AVEN: variants seen among roughly 807,000 people sequenced by gnomAD.
The protein encoded by AVEN is cell death regulator Aven.
In AVEN, 41 loss-of-function variants were observed where a neutral mutation model predicts 38.1. The ratio of observed to expected loss-of-function variants is 1.08; its 90% confidence interval spans 0.84 to 1.40. The LOEUF is 1.40. Among genes scored for constraint, AVEN ranks in the 40% most tolerant of loss-of-function variants. The pLI is 0.00. For synonymous variants in AVEN, 206 were observed against 171.8 expected (o/e 1.20, Z -1.56); for missense variants, 605 against 438.8 (o/e 1.38, Z -3.38).
rs1346050046 is a variant in AVEN at position 33,866,626 on chromosome 15, C to T, written c.1076G>A (p.Ser359Asn). The T allele has an allele frequency of 7.4e-6, 12 of 1,613,150 alleles. No individual in the cohort carries two copies. The highest frequency in any genetic ancestry group is 2.2e-5 in the East Asian group (1 of 44,874). ...TEEELEDWLDSMIS is the reference protein window; with the variant it reads ...TEEELEDWLDNMIS Reference sequence around the variant, plus strand: ...TTTTTCCCCTTTTTAGGAAATCATGCTGTCCAACCAGTCTTCCAGCTCTTC... The same window carrying T: ...TTTTTCCCCTTTTTAGGAAATCATGTTGTCCAACCAGTCTTCCAGCTCTTC... Residue 359 changes from serine (S) to asparagine (N), a missense_variant, in exon 6 of 6, where the codon AGC (serine) becomes AAC (asparagine). Transcript: ENST00000306730.
chr15:33,861,035 T>TATTATGCCA, intron 11 of AVEN: 2 of 1,395,114 alleles, frequency 1.4e-6, no homozygotes, highest in South Asian at 2.5e-5. Flanking sequence ...CTCCTGCCTA[T>TATTATGCCA]ATTATGCCAA....
intron 2 of AVEN, among the ~76,000 whole-genome samples, chr15:33,933,524 C>CAGAGAGAGAGAGAG (rs3086294): frequency 2.1e-5 from 1 of 46,584 alleles, no homozygotes; most frequent in African/African-American, 7.1e-5. Flanking sequence ...CACACACACA[C>CAGAGAGAGAGAGAG]AGAGAGAGAG....
rs374082671 is a variant in AVEN at position 33,873,595 on chromosome 15, G to A, written c.516+2330C>T. ...TATTACATATAATTATATATAATAC[G>A]TATTATATATTATATATATCCAGTT... is the stretch of plus-strand genomic sequence containing the variant. On this transcript the variant is annotated intron_variant, in intron 3 of 5. Coordinates refer to ENST00000306730, the MANE Select transcript of AVEN (RefSeq NM_020371.3). 3.5e-4 allele frequency among the ~76,000 whole-genome samples: 51 copies of A among 146,598 alleles called. No individual in the cohort carries two copies. In the East Asian group the frequency reaches 8.1e-3, roughly 23 times the overall value.
chr15:34,074,001 T>C (rs920221307), intron 1 of AVEN, among the ~76,000 whole-genome samples: 2 of 135,066 alleles, frequency 1.5e-5, no homozygotes, highest in African/African-American at 5.9e-5. Flanking sequence ...TTTTTTTTTT[T>C]TTTTTTTTTT....
At chr15:34,036,329 T>C (rs1899123712) in intron 1 of AVEN, among the ~76,000 whole-genome samples, 1 of 149,538 alleles carries the variant, frequency 6.7e-6, no homozygotes, top group Non-Finnish European at 1.5e-5. Flanking sequence ...TTGATTTTGT[T>C]TTCCATTTGT....
chr15:34,030,748 G>A (rs938960873), intron 1 of AVEN, among the ~76,000 whole-genome samples: 1 of 152,052 alleles, frequency 6.6e-6, no homozygotes, highest in African/African-American at 2.4e-5. Context: ...TCCTGAGTAG[G>A]TGGGAATACA....
intron 2 of AVEN, among the ~76,000 whole-genome samples, chr15:33,899,686 TCA>T (rs1183352608): frequency 6.6e-6 from 1 of 152,022 alleles, no homozygotes; most frequent in Non-Finnish European, 1.5e-5. Flanking sequence ...CAGGATGGTC[TCA>T]GTCTCTTGAC....
At chr15:34,030,406 C>T (rs971848399) in intron 1 of AVEN, among the ~76,000 whole-genome samples, 14 of 151,552 alleles carry the variant, frequency 9.2e-5, no homozygotes, top group Non-Finnish European at 1.5e-4. Context: ...AGTGCAGTGG[C>T]GCAATCTCGC....
chr15:33,947,981 A>C (rs972981609), intron 2 of AVEN, among the ~76,000 whole-genome samples: 1 of 152,240 alleles, frequency 6.6e-6, no homozygotes, highest in South Asian at 2.1e-4. Flanking sequence ...ATCTTTTCAA[A>C]CTGTAAGTGT....
chr15:33,862,056 C>A (rs939521658), downstream of AVEN, among the ~76,000 whole-genome samples: 1 of 152,108 alleles, frequency 6.6e-6, no homozygotes, highest in Admixed American at 6.6e-5. Flanking sequence ...TAGGGACTTC[C>A]TATAAAACTT....
chr15:33,949,601 G>C (rs1428079727), intron 2 of AVEN, among the ~76,000 whole-genome samples: 2 of 152,056 alleles, frequency 1.3e-5, no homozygotes, highest in African/African-American at 2.4e-5. Context: ...GACTGCAAAT[G>C]GACACGAGGT....
At chr15:33,996,690 C>T (rs904340144) in intron 2 of AVEN, among the ~76,000 whole-genome samples, 14 of 152,154 alleles carry the variant, frequency 9.2e-5, no homozygotes, top group Admixed American at 2.6e-4. Flanking sequence ...ACACCAAAAC[C>T]CCATCTGTAG....
At chr15:33,861,846 A>T (rs1052150786), downstream of AVEN, among the ~76,000 whole-genome samples, 1 of 151,896 alleles carries the variant, frequency 6.6e-6, no homozygotes, top group Non-Finnish European at 1.5e-5. Context: ...GCTGGTCTTG[A>T]ACTCCTGACC....
At chr15:33,939,116 C>T (rs1037857184) in intron 2 of AVEN, among the ~76,000 whole-genome samples, 1 of 152,218 alleles carries the variant, frequency 6.6e-6, no homozygotes, top group Non-Finnish European at 1.5e-5. Context: ...GCTGGGATTA[C>T]AGGCATGAGC....
At chr15:33,948,655 G>C (rs1338098247) in intron 2 of AVEN, among the ~76,000 whole-genome samples, 1 of 151,992 alleles carries the variant, frequency 6.6e-6, no homozygotes, top group Non-Finnish European at 1.5e-5. Flanking sequence ...GATAAAATAA[G>C]GTATGGTTTT....
At chr15:33,854,625 C>A (rs1410746900), downstream of AVEN, 2 of 1,168,632 alleles carry the variant, frequency 1.7e-6, no homozygotes, top group African/African-American at 1.5e-5. Flanking sequence ...GCTCACTTAG[C>A]AGATCTTGGG....
rs56129415 is a variant in AVEN at position 33,983,722 on chromosome 15, C to T, written c.445+19310G>A. 8.6e-3 allele frequency among the ~76,000 whole-genome samples: 1,311 copies of T among 152,098 alleles called. 11 individuals carry two copies. Among genetic ancestry groups the T allele is most frequent in the Non-Finnish European group, 0.014 (944 of 68,000 alleles). On this transcript the variant is annotated intron_variant, in intron 2 of 5. Transcript: ENST00000306730. ...GACTTAGTGACTCGCTGCTAGTGAA[C>T]AATAAATGGAAAGGGAAAAACAGGG... is the stretch of plus-strand genomic sequence containing the variant.
At chr15:33,890,329 C>A (rs1328398733) in intron 2 of AVEN, among the ~76,000 whole-genome samples, 1 of 152,066 alleles carries the variant, frequency 6.6e-6, no homozygotes, top group Admixed American at 6.6e-5. Context: ...GTGACTGGTG[C>A]GGTGCCTGGC....
At chr15:33,861,782 A>G (rs1229140830), downstream of AVEN, among the ~76,000 whole-genome samples, 1 of 151,998 alleles carries the variant, frequency 6.6e-6, no homozygotes, top group African/African-American at 2.4e-5. Flanking sequence ...ATGACCTGGG[A>G]TATTTTTGGG....
Sources: gnomAD v4.1 joint callset for allele counts (sites outside exome capture counted in the v4.1 genomes callset) on GRCh38, gnomAD v4.1.1 for gene constraint, MANE v1.5 for transcripts, NCBI Gene and HGNC (gene_info 2026-07-23, HGNC 2026-07-21) for gene names.